LEPR: variants seen among roughly 807,000 people sequenced by gnomAD.
LEPR encodes the protein leptin receptor.
LEPR carries 56 observed loss-of-function variants against 114.7 expected under a neutral mutation model. The ratio of observed to expected loss-of-function variants is 0.49; its 90% CI spans 0.39 to 0.61. The LOEUF is 0.61. Among genes scored for constraint, LEPR ranks in the 20% least tolerant of loss-of-function variants. The pLI is 0.00. For synonymous variants in LEPR, 443 were observed against 461.4 expected, an observed-to-expected ratio of 0.96 and a Z score of 0.51; for missense variants, 1,202 against 1,352.9, an observed-to-expected ratio of 0.89 and a Z score of 1.75.
chr1:65,544,664 T>C lies in LEPR; in HGVS notation c.-20-20882T>C, dbSNP rs1363906174. Among the ~76,000 whole-genome samples, 5 of 150,894 alleles carry C rather than the reference T, an allele frequency of 3.3e-5. No individual in the cohort carries two copies. The South Asian group carries it at 1.0e-3, about 32-fold the overall frequency. On this transcript the variant is annotated intron_variant, in intron 2 of 19. Transcript: ENST00000349533. ...TAGCATGAAGCAGTGTTGAATATTA[T>C]CGAAGGCCTTTTCTGCATCTATTGA...
chr1:65,422,076 T>G (rs1646262206), intron 1 of LEPR, among the ~76,000 whole-genome samples: 2 of 152,194 alleles, frequency 1.3e-5, no homozygotes, highest in Non-Finnish European at 2.9e-5. Context: ...GATGGTGGGT[T>G]GGATTTTGTC....
At chr1:65,479,954 C>A (rs1647201824) in intron 2 of LEPR, among the ~76,000 whole-genome samples, 2 of 151,950 alleles carry the variant, frequency 1.3e-5, no homozygotes, top group African/African-American at 4.8e-5. Flanking sequence ...AAAAACAACT[C>A]TGTCAGGTGG....
At chr1:65,484,616 G>A (rs74705229) in intron 2 of LEPR, among the ~76,000 whole-genome samples, 4,108 of 152,250 alleles carry the variant, frequency 0.027, 193 homozygotes, top group African/African-American at 0.094. Flanking sequence ...GGTACAGGAG[G>A]ACTCTGGGTG....
At chr1:65,454,990 T>C (rs1276431053) in intron 2 of LEPR, among the ~76,000 whole-genome samples, 1 of 152,170 alleles carries the variant, frequency 6.6e-6, no homozygotes, top group East Asian at 1.9e-4. Flanking sequence ...TTCTTTTTAT[T>C]CTTTTTTCTC....
At chr1:65,458,292 A>C (rs1162400217) in intron 2 of LEPR, among the ~76,000 whole-genome samples, 1 of 152,124 alleles carries the variant, frequency 6.6e-6, no homozygotes, top group Admixed American at 6.6e-5. Flanking sequence ...TCCCATCTTC[A>C]TTTAGATCTG....
Position 65,496,299 on chromosome 1 carries a change from A to G in LEPR, c.-20-69247A>G, listed in dbSNP as rs180811215. On this transcript the variant is annotated intron_variant, in intron 2 of 19. Transcript: ENST00000349533. ...AAAAACTTTTATTTTAGGGCCAGGT[A>G]TGGTGGCACATGCTTATAATCCCAG... Among the ~76,000 whole-genome samples the G allele has an allele frequency of 2.0e-3, 311 of 152,320 alleles. 1 individual carries two copies. The highest frequency in any genetic ancestry group is 7.1e-3 in the African/African-American group (294 of 41,568).
At chr1:65,481,585 C>A (rs1402892095) in intron 2 of LEPR, among the ~76,000 whole-genome samples, 1 of 151,730 alleles carries the variant, frequency 6.6e-6, no homozygotes, top group African/African-American at 2.4e-5. Context: ...TCATTTCATT[C>A]TAAAAGTGGA....
At position 65,609,987 on chromosome 1, in the gene LEPR, T is replaced by G. The variant is rs771805579; in HGVS notation, c.1793T>G (p.Leu598Arg). 1 of 1,614,214 alleles carries G rather than the reference T, an allele frequency of 6.2e-7. No individual in the cohort carries two copies. Among genetic ancestry groups the G allele is most frequent in the Non-Finnish European group, 8.5e-7 (1 of 1,180,018 alleles). The stretch of plus-strand genomic sequence containing the variant: ...GATGCAAAATCAAAATCTGTCAGTC[T>G]CCCAGTTCCAGACTTGTGTGCAGTC... ...VYDAKSKSVS[L>R]PVPDLCAVYA... Residue 598 changes from leucine (L) to arginine (R), a missense_variant, in exon 13 of 20, where the codon CTC becomes CGC. Physicochemically the swap from Leu to Arg is moderately radical, Grantham distance 102. Coordinates refer to ENST00000349533, the MANE Select transcript of LEPR (RefSeq NM_002303.6).
intron 6 of LEPR, among the ~76,000 whole-genome samples, chr1:65,595,177 G>GT (rs11372523): frequency 0.5 from 76,249 of 151,688 alleles, 19,972 homozygotes; most frequent in East Asian, 0.88. Flanking sequence ...TGCTGCAGGG[G>GT]TGGCATTAGC....
chr1:65,507,510 TAC>T (rs1648808796), intron 2 of LEPR, among the ~76,000 whole-genome samples: 2 of 134,818 alleles, frequency 1.5e-5, no homozygotes, highest in African/African-American at 2.8e-5. Flanking sequence ...TATATATATA[TAC>T]ATATATATGT....
intron 2 of LEPR, among the ~76,000 whole-genome samples, chr1:65,459,035 AT>A (rs1001328102): frequency 7.2e-5 from 11 of 152,248 alleles, no homozygotes; most frequent in Admixed American, 3.3e-4. Flanking sequence ...AAAGGAACTG[AT>A]GTAAATACAC....
chr1:65,575,935 T>C (rs1654554222), intron 5 of LEPR, among the ~76,000 whole-genome samples: 1 of 151,472 alleles, frequency 6.6e-6, no homozygotes, highest in Admixed American at 6.5e-5. Flanking sequence ...CTCCCATCTC[T>C]ATCAGATCTG....
intron 2 of LEPR, among the ~76,000 whole-genome samples, chr1:65,427,553 T>A (rs1468852480): frequency 6.6e-6 from 1 of 152,132 alleles, no homozygotes; most frequent in Non-Finnish European, 1.5e-5. Flanking sequence ...AGTGAGACTT[T>A]GTCTCTTAAA....
At chr1:65,609,866 T>G in intron 12 of LEPR, 81 bp from the exon 13 acceptor site, 1 of 1,593,454 alleles carries the variant, frequency 6.3e-7, no homozygotes, top group South Asian at 1.1e-5. Context: ...GTGTTAAGGT[T>G]TAAAATAAAA....
At chr1:65,511,458 ACACACACACACACG>A (rs1267786537) in intron 2 of LEPR, among the ~76,000 whole-genome samples, 2 of 128,400 alleles carry the variant, frequency 1.6e-5, no homozygotes, top group African/African-American at 6.2e-5. Flanking sequence ...ACACACACAC[ACACACACACACACG>A]TGTATTTTTC....
intron 4 of LEPR, among the ~76,000 whole-genome samples, chr1:65,571,576 A>G (rs1223184520): frequency 6.7e-6 from 1 of 149,800 alleles, no homozygotes; most frequent in African/African-American, 2.5e-5. Flanking sequence ...AAGCGTGATG[A>G]TTGGGTTTTC....
rs192225190 is a variant in LEPR at position 65,493,458 on chromosome 1, G to A, written c.-21+68080G>A. On this transcript the variant is annotated intron_variant, in intron 2 of 19. Transcript: ENST00000349533. ...CAATCTTGCCTGGGGCCAAACCCAT[G>A]CCAGGCTTTCCCTCTTTTTTCTCCC... Among the ~76,000 whole-genome samples the A allele has an allele frequency of 4.8e-3, 729 of 152,180 alleles. 6 individuals are homozygous for A. The highest frequency in any genetic ancestry group is 0.017 in the African/African-American group (700 of 41,526).
intron 2 of LEPR, among the ~76,000 whole-genome samples, chr1:65,538,512 A>C (rs1650938514): frequency 6.6e-6 from 1 of 152,156 alleles, no homozygotes; most frequent in Non-Finnish European, 1.5e-5. Flanking sequence ...CTGGCAAATA[A>C]ATTTATACTA....
At chr1:65,565,639 C>A (rs1247209358) in intron 3 of LEPR, 34 bp downstream of exon 3, 6 of 1,612,012 alleles carry the variant, frequency 3.7e-6, no homozygotes, top group Non-Finnish European at 5.1e-6. Flanking sequence ...TTTTAATGCC[C>A]TTAAACATGG....
Sources: allele counts gnomAD v4.1 joint callset (sites outside exome capture counted in the v4.1 genomes callset), GRCh38; gene constraint gnomAD v4.1.1; transcripts MANE v1.5; gene names NCBI Gene and HGNC (gene_info 2026-07-23, HGNC 2026-07-21).